The following AKAP13 variants were observed in gnomAD, a reference collection of about 807,000 sequenced individuals.
The protein encoded by AKAP13 is A-kinase anchoring protein 13.
Under a neutral mutation model 264.5 loss-of-function variants are expected in AKAP13, and 80 were observed. The ratio of observed to expected loss-of-function variants is 0.30; its 90% CI spans 0.25 to 0.36. The LOEUF is 0.36. Ranked by LOEUF, AKAP13 falls within the 10% of genes least tolerant of loss-of-function variation. The probability of loss-of-function intolerance (pLI) is 1.00; values close to 1 mark genes in which losing one functional copy is unlikely to be tolerated. For missense variants in AKAP13, 3,712 were observed against 3,435.2 expected (o/e 1.08, Z -2.01); for synonymous variants, 1,380 against 1,250.2 (o/e 1.10, Z -2.19).
chr15:85,446,208 C>T (rs1176752423), intron 1 of AKAP13, among the ~76,000 whole-genome samples: 3 of 152,098 alleles, frequency 2.0e-5, no homozygotes, highest in Non-Finnish European at 4.4e-5. Context: ...AGTTGTGGGG[C>T]AGTTGAACCT....
At chr15:85,497,299 T>C (rs1263750714) in intron 2 of AKAP13, among the ~76,000 whole-genome samples, 1 of 152,150 alleles carries the variant, frequency 6.6e-6, no homozygotes, top group African/African-American at 2.4e-5. Context: ...GATGCATGCG[T>C]AGATAAATTA....
chr15:85,499,593 T>C (rs1411801138), intron 2 of AKAP13, among the ~76,000 whole-genome samples: 2 of 152,202 alleles, frequency 1.3e-5, no homozygotes, highest in African/African-American at 4.8e-5. Context: ...CTATGTAAGC[T>C]AGCCTTCAGC....
intron 5 of AKAP13, among the ~76,000 whole-genome samples, chr15:85,566,391 G>A (rs191500628): frequency 6.6e-6 from 1 of 152,234 alleles, no homozygotes; most frequent in Non-Finnish European, 1.5e-5. Flanking sequence ...TTGCATCTAT[G>A]AAGGTGGCAA....
Position 85,611,484 on chromosome 15 carries a change from G to A in AKAP13, c.4161+25661G>A, listed in dbSNP as rs1214392896. ...CTCCCACCCCAATGCCCAATATCCT[G>A]TTAATGTTAAATATTTTTGGACTCT... On this transcript the variant is annotated intron_variant, in intron 8 of 36. Transcript: ENST00000394518. 2.0e-5 allele frequency among the ~76,000 whole-genome samples: 3 copies of A among 152,070 alleles called. No homozygotes were observed. In the East Asian group the frequency reaches 5.8e-4, roughly 29 times the overall value.
intron 1 of AKAP13, among the ~76,000 whole-genome samples, chr15:85,426,792 G>A (rs1474705177): frequency 1.3e-5 from 2 of 152,084 alleles, no homozygotes; most frequent in East Asian, 3.9e-4. Flanking sequence ...GCAGTGCAAT[G>A]TATTTTCTGA....
At chr15:85,504,741 A>G (rs1034320406) in intron 2 of AKAP13, among the ~76,000 whole-genome samples, 14 of 152,022 alleles carry the variant, frequency 9.2e-5, no homozygotes, top group African/African-American at 2.9e-4. Context: ...ATTTTAGCCA[A>G]ATATATGGTT....
At chr15:85,668,696 C>T (rs1287719633) in intron 13 of AKAP13, among the ~76,000 whole-genome samples, 1 of 152,174 alleles carries the variant, frequency 6.6e-6, no homozygotes, top group African/African-American at 2.4e-5. Flanking sequence ...AATCCCAGCA[C>T]TTTGGGAGGC....
At chr15:85,736,780 G>T (rs1213078487) in intron 33 of AKAP13, among the ~76,000 whole-genome samples, 1 of 152,110 alleles carries the variant, frequency 6.6e-6, no homozygotes, top group African/African-American at 2.4e-5. Flanking sequence ...ACACTGAGTA[G>T]AATTCATAGC....
At chr15:85,723,435 C>G (rs915689558) in intron 26 of AKAP13, 115 bp downstream of exon 26, 2 of 1,425,456 alleles carry the variant, frequency 1.4e-6, no homozygotes, top group Non-Finnish European at 1.9e-6. Context: ...CATCTCTAAA[C>G]ACTACCCAGG....
intron 1 of AKAP13, among the ~76,000 whole-genome samples, chr15:85,402,715 C>CT (rs2071483558): frequency 1.3e-5 from 2 of 152,066 alleles, no homozygotes; most frequent in South Asian, 4.1e-4. Context: ...GTATGTCTCA[C>CT]TTAACCCTGG....
At chr15:85,686,185 GCA>G (rs2084910919) in intron 16 of AKAP13, among the ~76,000 whole-genome samples, 3 of 39,506 alleles carry the variant, frequency 7.6e-5, no homozygotes, top group African/African-American at 5.2e-4. Flanking sequence ...GTGTGCACGT[GCA>G]TGCATGTGTG....
At chr15:85,619,488 T>G in intron 8 of AKAP13, 3 of 985,414 alleles carry the variant, frequency 3.0e-6, no homozygotes, top group Non-Finnish European at 3.6e-6. Context: ...AAGACTTTAC[T>G]TTGAAAAGCA....
chr15:85,657,249 G>C (rs2448023), intron 11 of AKAP13, among the ~76,000 whole-genome samples: 96,143 of 152,020 alleles, frequency 0.63, 30,542 homozygotes, highest in Middle Eastern at 0.71. Context: ...TTATGGCTGT[G>C]TAATCACATT....
intron 17 of AKAP13, among the ~76,000 whole-genome samples, chr15:85,705,183 C>G (rs1470004077): frequency 6.6e-6 from 1 of 152,202 alleles, no homozygotes; most frequent in Non-Finnish European, 1.5e-5. Context: ...CTCAGACACT[C>G]AAACACTGGC....
At chr15:85,475,385 A>T (rs948946364) in intron 1 of AKAP13, among the ~76,000 whole-genome samples, 1 of 152,178 alleles carries the variant, frequency 6.6e-6, no homozygotes, top group Non-Finnish European at 1.5e-5. Flanking sequence ...CACCTGTGGA[A>T]TGGCCATTGG....
intron 1 of AKAP13, among the ~76,000 whole-genome samples, chr15:85,458,151 A>G (rs1027192998): frequency 2.0e-5 from 3 of 151,908 alleles, no homozygotes; most frequent in Non-Finnish European, 4.4e-5. Context: ...AAAAAAAAAA[A>G]AAAGTTGAAA....
chr15:85,722,191 T>A lies in AKAP13; in HGVS notation c.6379-39T>A, dbSNP rs766868695. 2.4e-5 allele frequency: 39 copies of A among 1,609,378 alleles called. 1 individual carries two copies. Among genetic ancestry groups the A allele is most frequent in the Admixed American group, 1.7e-4 (10 of 59,326 alleles). On this transcript the variant is annotated intron_variant, in intron 24 of 36. Coordinates refer to ENST00000394518, the MANE Select transcript of AKAP13 (RefSeq NM_007200.5). ...CCCTGTCGGCTTTCACTAGAGCCTT[T>A]TTCATGTGATTCCTCACAGTCTGTT...
intron 1 of AKAP13, among the ~76,000 whole-genome samples, chr15:85,424,261 T>C (rs767294237): frequency 3.3e-5 from 5 of 152,362 alleles, no homozygotes; most frequent in Admixed American, 2.0e-4. Flanking sequence ...TTTGTCTACA[T>C]TGAAAATCTG....
rs2075063825 is a variant in AKAP13, at chr15:85,474,129, T to A, written c.-11-11581T>A. On this transcript the variant is annotated intron_variant, in intron 1 of 36. Transcript: ENST00000394518. The stretch of plus-strand genomic sequence containing the variant: ...TCCCAACTGTAAACATGGGTTTCTG[T>A]ATCAAACATGTGGCTGACTCTCCAT... 3.3e-5 allele frequency among the ~76,000 whole-genome samples: 5 copies of A among 152,204 alleles called. No individual in the cohort carries two copies. The South Asian group carries it at 1.0e-3, about 32-fold the overall frequency.
Sources: allele counts gnomAD v4.1 joint callset (sites outside exome capture counted in the v4.1 genomes callset), GRCh38; gene constraint gnomAD v4.1.1; transcripts MANE v1.5; gene names NCBI Gene and HGNC (gene_info 2026-07-23, HGNC 2026-07-21).